EPM2A: variants seen among roughly 807,000 people sequenced by gnomAD.
EPM2A encodes EPM2A glucan phosphatase, laforin, also known as laforin.
EPM2A carries 21 observed loss-of-function variants against 26.5 expected under a neutral mutation model. The observed-to-expected ratio is 0.79, with a 90% confidence interval of 0.56 to 1.14. EPM2A has a LOEUF of 1.14. Ranked by LOEUF, EPM2A falls within the 50% of genes most tolerant of loss-of-function variation. The pLI, the probability that EPM2A is intolerant of heterozygous loss-of-function variation, is 0.00. For missense variants in EPM2A, 458 were observed against 440.8 expected, an observed-to-expected ratio of 1.04 and a Z score of -0.35; for synonymous variants, 217 against 177.6, an observed-to-expected ratio of 1.22 and a Z score of -1.76.
intron 4 of EPM2A, among the ~76,000 whole-genome samples, chr6:145,480,926 G>A (rs1411957568): frequency 6.6e-6 from 1 of 152,004 alleles, no homozygotes. Context: ...CTCATAATTG[G>A]ATATTTTTAT....
intron 1 of EPM2A, among the ~76,000 whole-genome samples, chr6:145,701,580 T>C (rs757755424): frequency 2.0e-5 from 3 of 152,136 alleles, no homozygotes; most frequent in Non-Finnish European, 4.4e-5. Flanking sequence ...CCTAGGCCAA[T>C]TGCTACCCAA....
intron 2 of EPM2A, among the ~76,000 whole-genome samples, chr6:145,570,128 G>A (rs1269396234): frequency 6.6e-6 from 1 of 152,010 alleles, no homozygotes; most frequent in Non-Finnish European, 1.5e-5. Context: ...ATTAAGGGTG[G>A]GTCTGCCTTT....
intron 2 of EPM2A, among the ~76,000 whole-genome samples, chr6:145,678,876 T>A (rs567829626): frequency 2.0e-5 from 3 of 152,214 alleles, no homozygotes; most frequent in Admixed American, 2.0e-4. Flanking sequence ...GAAATACCAT[T>A]TGACCCAGTG....
At position 145,626,644 on chromosome 6, in the gene EPM2A, A is replaced by C; in HGVS notation, c.*772T>G. Reference sequence around the variant, plus strand: ...TGAGTCAAATAAATATAGATTATTAACTCCAGCTTGCCCTTGACTGGTCAT... The same window carrying C: ...TGAGTCAAATAAATATAGATTATTACCTCCAGCTTGCCCTTGACTGGTCAT... On this transcript the variant is annotated 3_prime_UTR_variant, in exon 4 of 4. Transcript: ENST00000367519. 1.0e-6 allele frequency: 1 copy of C among 980,044 alleles called. No individual in the cohort carries two copies. The highest frequency in any genetic ancestry group is 4.7e-5 in the South Asian group (1 of 21,186). The allele number at this position is 980,044 out of a possible 1,614,324, so 60.7% of individuals were successfully genotyped here.
At chr6:145,653,985 A>T (rs897223980) in intron 2 of EPM2A, among the ~76,000 whole-genome samples, 1 of 152,106 alleles carries the variant, frequency 6.6e-6, no homozygotes, top group Non-Finnish European at 1.5e-5. Context: ...TCTTGTCTAG[A>T]TTTATTTAAT....
At chr6:145,443,349 T>C (rs547706227) in intron 4 of EPM2A, among the ~76,000 whole-genome samples, 1 of 152,350 alleles carries the variant, frequency 6.6e-6, no homozygotes, top group South Asian at 2.1e-4. Flanking sequence ...ATATTGATTC[T>C]TCTTATCCAA....
chr6:145,691,327 G>C (rs1781267418), intron 1 of EPM2A, among the ~76,000 whole-genome samples: 1 of 152,074 alleles, frequency 6.6e-6, no homozygotes, highest in Non-Finnish European at 1.5e-5. Context: ...GTCACCAAAG[G>C]AAGTGTCATT....
chr6:145,427,776 C>T (rs564605960), intron 4 of EPM2A, among the ~76,000 whole-genome samples: 1 of 152,242 alleles, frequency 6.6e-6, no homozygotes, highest in South Asian at 2.1e-4. Flanking sequence ...CTATTCAAAG[C>T]TTTTCATTTG....
Position 145,465,575 on chromosome 6 carries a change from C to G in EPM2A, c.555+36947G>C, listed in dbSNP as rs1237621427. 2.0e-5 allele frequency among the ~76,000 whole-genome samples: 3 copies of G among 151,142 alleles called. No individual in the cohort carries two copies. The South Asian group carries it at 6.3e-4, about 32-fold the overall frequency. On this transcript the variant is annotated intron_variant, in intron 4 of 4. Transcript: ENST00000638717. ...TTTTAGAGTTTCCAGTTTTTCTGCT[C>G]TGTTTTTTCCCCATCTTTGTGGTTT... is the stretch of plus-strand genomic sequence containing the variant.
At chr6:145,713,240 T>G (rs1299853858) in intron 1 of EPM2A, among the ~76,000 whole-genome samples, 1 of 152,160 alleles carries the variant, frequency 6.6e-6, no homozygotes, top group African/African-American at 2.4e-5. Context: ...CCAAGTTAGG[T>G]GCATTGACTG....
chr6:145,732,409 CACAT>C (rs1414220763), intron 1 of EPM2A, among the ~76,000 whole-genome samples: 7,075 of 144,176 alleles, frequency 0.049, 450 homozygotes, highest in African/African-American at 0.15. Context: ...AACACACACA[CACAT>C]ATATATATAT....
chr6:145,434,270 T>C (rs529117794), intron 4 of EPM2A, among the ~76,000 whole-genome samples: 1 of 151,716 alleles, frequency 6.6e-6, no homozygotes, highest in East Asian at 1.9e-4. Flanking sequence ...CTCTCTCTTT[T>C]TTTTTTTTTA....
intron 2 of EPM2A, among the ~76,000 whole-genome samples, chr6:145,562,431 G>C (rs1157866372): frequency 6.6e-6 from 1 of 152,080 alleles, no homozygotes. Flanking sequence ...AAATACCAAA[G>C]GATGAATAAC....
intron 4 of EPM2A, among the ~76,000 whole-genome samples, chr6:145,484,278 C>T (rs1028032004): frequency 6.6e-6 from 1 of 151,894 alleles, no homozygotes; most frequent in Non-Finnish European, 1.5e-5. Context: ...ATATACTGAC[C>T]CCTGTCAAAC....
intron 4 of EPM2A, among the ~76,000 whole-genome samples, chr6:145,471,067 C>T (rs958644588): frequency 1.3e-5 from 2 of 152,100 alleles, no homozygotes; most frequent in African/African-American, 4.8e-5. Context: ...ATGGCAGAAA[C>T]ACAAGAGTCT....
At chr6:145,481,603 G>T (rs1026565097) in intron 4 of EPM2A, among the ~76,000 whole-genome samples, 4 of 152,002 alleles carry the variant, frequency 2.6e-5, no homozygotes, top group African/African-American at 9.7e-5. Context: ...GATAACTGCA[G>T]CCCAGGCCAA....
intron 2 of EPM2A, among the ~76,000 whole-genome samples, chr6:145,515,635 C>G (rs1028414173): frequency 6.6e-6 from 1 of 152,118 alleles, no homozygotes; most frequent in African/African-American, 2.4e-5. Context: ...GGCCCTGTCC[C>G]CATGATCTAA....
At chr6:145,490,416 A>G in intron 4 of EPM2A, 1 of 782,194 alleles carries the variant, frequency 1.3e-6, no homozygotes, top group Non-Finnish European at 2.3e-6. Flanking sequence ...TGCTATTTCT[A>G]GCAAATCTTT....
chr6:145,601,680 A>G (rs141267439), intron 2 of EPM2A, among the ~76,000 whole-genome samples: 2 of 152,338 alleles, frequency 1.3e-5, no homozygotes, highest in Non-Finnish European at 2.9e-5. Context: ...ACATCATGGA[A>G]TATTAAAGGA....
Sources: allele counts gnomAD v4.1 joint callset (sites outside exome capture counted in the v4.1 genomes callset), GRCh38; gene constraint gnomAD v4.1.1; transcripts MANE v1.5; gene names NCBI Gene and HGNC (gene_info 2026-07-23, HGNC 2026-07-21).